HCLS1: variants seen among roughly 807,000 people sequenced by gnomAD.
HCLS1 encodes hematopoietic cell-specific Lyn substrate 1.
A neutral mutation model predicts 68.6 loss-of-function variants in HCLS1; 44 were observed. The ratio of observed to expected loss-of-function variants is 0.64; its 90% confidence interval spans 0.50 to 0.82. The LOEUF is 0.82. Ranked by LOEUF, HCLS1 falls within the 40% of genes least tolerant of loss-of-function variation. HCLS1 has a pLI of 0.00. For missense variants in HCLS1, 602 were observed against 612.1 expected (o/e 0.98, Z 0.17); for synonymous variants, 217 against 225.8 (o/e 0.96, Z 0.35).
intron 3 of HCLS1, among the ~76,000 whole-genome samples, chr3:121,652,601 A>T (rs1027919407): frequency 3.4e-4 from 52 of 152,134 alleles, no homozygotes; most frequent in Non-Finnish European, 8.8e-5. Context: ...CGGAGGTTTC[A>T]GTGAGCCGAG....
At position 121,647,465 on chromosome 3, in the gene HCLS1, G is replaced by A; in HGVS notation, c.159-17C>T. Reference sequence around the variant, plus strand: ...TGGTGGATGCTGGAAGAAACCACATGACCAAGGCTCATCTATCCTAGGGAG... The same window carrying A: ...TGGTGGATGCTGGAAGAAACCACATAACCAAGGCTCATCTATCCTAGGGAG... On this transcript the variant is annotated splice_polypyrimidine_tract_variant and intron_variant, in intron 3 of 13. Transcript: ENST00000314583. The A allele has an allele frequency of 6.2e-7, 1 of 1,613,710 alleles. No individual in the cohort carries two copies. The highest frequency in any genetic ancestry group is 2.2e-5 in the East Asian group (1 of 44,866).
chr3:121,635,274 T>TCTCTCTCC lies in HCLS1; in HGVS notation c.691+460_691+461insGGAGAGAG, dbSNP rs2049140298. Among the ~76,000 whole-genome samples, 11 of 112,976 alleles carry TCTCTCTCC rather than the reference T, an allele frequency of 9.7e-5. No individual in the cohort carries two copies. In the South Asian group the frequency reaches 3.6e-3, roughly 37 times the overall value. 74.1% of individuals were successfully genotyped at this position (112,976 alleles called of 152,430 possible). ...CTCTCTCTCTCTCTCTCTCTCTCTC[T>TCTCTCTCC]CCTCTCTCTCCTCTCTCTCTCTTTC... is the stretch of plus-strand genomic sequence containing the variant. On this transcript the variant is annotated intron_variant, in intron 9 of 13. Coordinates refer to ENST00000314583, the MANE Select transcript of HCLS1 (RefSeq NM_005335.6).
intron 3 of HCLS1, among the ~76,000 whole-genome samples, chr3:121,654,515 G>C (rs554214553): frequency 3.3e-5 from 5 of 152,268 alleles, no homozygotes; most frequent in Admixed American, 2.6e-4. Context: ...AAGGTGGAGA[G>C]AAGGGTGATA....
At position 121,647,430 on chromosome 3, in the gene HCLS1, G is replaced by A. The variant is rs1433016317; in HGVS notation, c.177C>T (p.Asn59=). The part of the protein sequence containing the change: ...TEHINIHQLR[N]KVSEEHDVLR... ...GAACATCATGCTCCTCTGATACTTT[G>A]TTCCTCAGCTGGTGGATGCTGGAAG... Residue 59 remains asparagine (N), a synonymous_variant, in exon 4 of 14, where the codon AAC becomes AAT. Coordinates refer to ENST00000314583, the MANE Select transcript of HCLS1 (RefSeq NM_005335.6). 1 of 1,613,980 alleles carries A rather than the reference G, an allele frequency of 6.2e-7. No homozygotes were observed. Among genetic ancestry groups the A allele is most frequent in the Non-Finnish European group, 8.5e-7 (1 of 1,179,992 alleles).
intron 3 of HCLS1, among the ~76,000 whole-genome samples, chr3:121,652,355 A>G (rs1216273830): frequency 1.3e-5 from 2 of 152,172 alleles, no homozygotes; most frequent in African/African-American, 4.8e-5. Context: ...ATTAGGTATC[A>G]ATAAATTTAA....
intron 3 of HCLS1, among the ~76,000 whole-genome samples, chr3:121,647,669 T>G (rs1262929235): frequency 6.6e-6 from 1 of 152,248 alleles, no homozygotes. Flanking sequence ...TCCTCTAGTC[T>G]GTTATTTGCT....
chr3:121,637,069 C>A, intron 7 of HCLS1, 77 bp downstream of exon 7: 1 of 1,043,796 alleles, frequency 9.6e-7, no homozygotes, highest in Non-Finnish European at 1.5e-6. Context: ...TTCTGGGGCA[C>A]CCGGGTGAGC....
intron 7 of HCLS1, among the ~76,000 whole-genome samples, chr3:121,636,936 C>T (rs1055952127): frequency 2.6e-5 from 4 of 151,990 alleles, no homozygotes; most frequent in Non-Finnish European, 5.9e-5. Context: ...CCCTCCTAGG[C>T]CCTGCTCTTA....
chr3:121,646,151 T>TATA (rs1553844780), intron 4 of HCLS1, among the ~76,000 whole-genome samples: 1 of 110,972 alleles, frequency 9.0e-6, no homozygotes, highest in Non-Finnish European at 1.6e-5. Context: ...TATATAAGTA[T>TATA]ATATATAATA....
chr3:121,640,955 G>T (rs2049192791), intron 6 of HCLS1, among the ~76,000 whole-genome samples: 1 of 152,062 alleles, frequency 6.6e-6, no homozygotes, highest in Admixed American at 6.6e-5. Context: ...ATGAAATACA[G>T]CTAAAGGAAG....
At chr3:121,641,918 A>G (rs2049203356) in intron 6 of HCLS1, among the ~76,000 whole-genome samples, 2 of 151,254 alleles carry the variant, frequency 1.3e-5, no homozygotes, top group South Asian at 4.2e-4. Flanking sequence ...CGTCTCCACT[A>G]AAAATACAAA....
chr3:121,643,792 T>C (rs9846174), intron 5 of HCLS1: 35,842 of 152,130 alleles, frequency 0.24, 4,417 homozygotes, highest in South Asian at 0.31. Context: ...GTGATTCCAT[T>C]TGTGGCTTGT....
chr3:121,660,397 T>A (rs1262787073), intron 1 of HCLS1, among the ~76,000 whole-genome samples: 1 of 152,158 alleles, frequency 6.6e-6, no homozygotes, highest in Non-Finnish European at 1.5e-5. Flanking sequence ...TCAGTGCTAG[T>A]GTACATCAGT....
rs1267904453 is a variant in HCLS1 at position 121,633,022 on chromosome 3, C to G, written c.1008+45G>C. The G allele has an allele frequency of 2.2e-6, 3 of 1,358,854 alleles. No individual in the cohort carries two copies. In the African/African-American group the frequency reaches 4.3e-5, roughly 19 times the overall value. 84.2% of individuals were successfully genotyped at this position (1,358,854 alleles called of 1,614,324 possible). A position where few individuals can be genotyped will look rare whatever the true frequency, so the allele number is the denominator to read the frequency against. On this transcript the variant is annotated intron_variant, in intron 11 of 13. Transcript: ENST00000314583. ...CTGCACAGCCCACATTCCTAAGACT[C>G]GAGAAGATGGGGTGGGGGCAGAGAA...
Position 121,632,526 on chromosome 3 carries a change from A to AGGTG in HCLS1, c.1045_1046insCACC (p.Leu349ProfsTer18), listed in dbSNP as rs2049110386. Reference sequence around the variant, plus strand: ...CTCTTCCTCCACCTGGAGGCCTTCCAGAGTCCTAGGGGGCAGAGCTGGGGG... The same window carrying AGGTG: ...CTCTTCCTCCACCTGGAGGCCTTCCAGGTGGAGTCCTAGGGGGCAGAGCTGGGGG... On this transcript the variant is annotated frameshift_variant, in exon 12 of 14. Transcript: ENST00000314583. LOFTEE classifies it high-confidence loss of function. 1 of 1,613,536 alleles carries AGGTG rather than the reference A, an allele frequency of 6.2e-7. No individual in the cohort carries two copies. Among genetic ancestry groups the AGGTG allele is most frequent in the South Asian group, 1.1e-5 (1 of 90,988 alleles).
chr3:121,652,892 C>T (rs966344795), intron 3 of HCLS1, among the ~76,000 whole-genome samples: 1 of 152,112 alleles, frequency 6.6e-6, no homozygotes, highest in African/African-American at 2.4e-5. Flanking sequence ...ACGGACATGA[C>T]GATATTATGT....
chr3:121,634,193 G>A lies in HCLS1; in HGVS notation c.903+14C>T, dbSNP rs2108856474. The A allele has an allele frequency of 6.2e-7, 1 of 1,613,862 alleles. No individual in the cohort carries two copies. The stretch of plus-strand genomic sequence containing the variant: ...GAGATCCTGGATGTGGATCCCAGAG[G>A]GCCAGGCGCTCACCTCTGAGGAGAT... On this transcript the variant is annotated intron_variant, in intron 10 of 13. Coordinates refer to ENST00000314583, the MANE Select transcript of HCLS1 (RefSeq NM_005335.6).
chr3:121,644,779 A>G, intron 5 of HCLS1, 39 bp downstream of exon 5: 1 of 1,397,106 alleles, frequency 7.2e-7, no homozygotes, highest in Non-Finnish European at 1.0e-6. Flanking sequence ...TTTTCACAGG[A>G]CTGGAGGTGG....
Position 121,637,057 on chromosome 3 carries a change from T to C in HCLS1, c.565+89A>G, listed in dbSNP as rs1045830190. On this transcript the variant is annotated intron_variant, in intron 7 of 13. Coordinates refer to ENST00000314583, the MANE Select transcript of HCLS1 (RefSeq NM_005335.6). ...CCTGCTCTGCACATCTGCCCCTCTGTATTCTGGGGCACCCGGGTGAGCTTC... is the reference window on the plus strand; with the variant it reads ...CCTGCTCTGCACATCTGCCCCTCTGCATTCTGGGGCACCCGGGTGAGCTTC... 3.8e-5 allele frequency: 34 copies of C among 895,920 alleles called. No homozygotes were observed. In the Admixed American group the frequency reaches 5.9e-4, roughly 16 times the overall value. The allele number at this position is 895,920 out of a possible 1,614,324, so 55.5% of individuals were successfully genotyped here. A position where few individuals can be genotyped will look rare whatever the true frequency, so the allele number is the denominator to read the frequency against.
Sources: allele counts gnomAD v4.1 joint callset (sites outside exome capture counted in the v4.1 genomes callset), GRCh38; gene constraint gnomAD v4.1.1; transcripts MANE v1.5; gene names NCBI Gene and HGNC (gene_info 2026-07-23, HGNC 2026-07-21).